Variants in GRM7 observed in about 807,000 individuals in gnomAD.
GRM7 encodes glutamate metabotropic receptor 7.
A neutral mutation model predicts 84.5 loss-of-function variants in GRM7; 35 were observed. That is an observed-to-expected ratio of 0.41 (90% CI 0.32 to 0.55). The LOEUF (loss-of-function observed/expected upper bound fraction) is 0.55, where lower values mean the gene tolerates loss of function less well. Ranked by LOEUF, GRM7 falls within the 20% of genes least tolerant of loss-of-function variation. The probability of loss-of-function intolerance (pLI) is 0.19; values close to 1 mark genes in which losing one functional copy is unlikely to be tolerated. For synonymous variants in GRM7, 487 were observed against 455.1 expected (o/e 1.07, Z -0.89); for missense variants, 1,003 against 1,194.6 (o/e 0.84, Z 2.36).
chr3:6,948,616 C>A (rs976066707), intron 1 of GRM7, among the ~76,000 whole-genome samples: 1 of 152,096 alleles, frequency 6.6e-6, no homozygotes, highest in African/African-American at 2.4e-5. Context: ...TCCTTGTTAA[C>A]TTTCTGTCTT....
At chr3:7,507,873 G>A (rs1204022565) in intron 7 of GRM7, among the ~76,000 whole-genome samples, 1 of 152,062 alleles carries the variant, frequency 6.6e-6, no homozygotes, top group Non-Finnish European at 1.5e-5. Context: ...ATATATACAA[G>A]TTCTGGTTAG....
intron 7 of GRM7, among the ~76,000 whole-genome samples, chr3:7,550,392 GCTTT>G (rs1419516833): frequency 3.7e-5 from 5 of 133,584 alleles, no homozygotes; most frequent in South Asian, 2.5e-4. Context: ...CCTTTTGCTT[GCTTT>G]CTTTCTTTTC....
chr3:7,275,066 C>A (rs961508605), intron 2 of GRM7, among the ~76,000 whole-genome samples: 2 of 152,096 alleles, frequency 1.3e-5, no homozygotes, highest in Non-Finnish European at 2.9e-5. Context: ...TCCTCAGCCA[C>A]TTCCAGTCTA....
chr3:7,220,662 GTTGA>G (rs1254150413), intron 2 of GRM7, among the ~76,000 whole-genome samples: 6 of 152,314 alleles, frequency 3.9e-5, no homozygotes, highest in South Asian at 2.1e-4. Flanking sequence ...GTCAACATTG[GTTGA>G]TTAATTGTGA....
chr3:7,357,063 A>G (rs911160018), intron 4 of GRM7, among the ~76,000 whole-genome samples: 1 of 150,208 alleles, frequency 6.7e-6, no homozygotes, highest in South Asian at 2.1e-4. Flanking sequence ...TCATATATAT[A>G]ATATTGTTTC....
chr3:7,216,399 T>C (rs895149543), intron 2 of GRM7, among the ~76,000 whole-genome samples: 5 of 152,230 alleles, frequency 3.3e-5, no homozygotes, highest in Non-Finnish European at 7.3e-5. Context: ...TGTGATAGGC[T>C]TTAAGGGGAG....
intron 1 of GRM7, among the ~76,000 whole-genome samples, chr3:7,092,882 A>T (rs976151460): frequency 6.6e-6 from 1 of 152,174 alleles, no homozygotes; most frequent in Non-Finnish European, 1.5e-5. Context: ...CCAAGAGTTA[A>T]GGCCAGCCTG....
At chr3:7,711,204 A>AGT (rs1208897755) in intron 9 of GRM7, among the ~76,000 whole-genome samples, 4 of 152,212 alleles carry the variant, frequency 2.6e-5, no homozygotes, top group Non-Finnish European at 5.9e-5. Context: ...ATCAAGATAG[A>AGT]GTGTGGCTGG....
At chr3:7,344,458 G>T in intron 4 of GRM7, among the ~76,000 whole-genome samples, 1 of 152,078 alleles carries the variant, frequency 6.6e-6, no homozygotes, top group East Asian at 1.9e-4. Flanking sequence ...ATTCCATGGC[G>T]TATATGTACC....
At chr3:7,129,367 A>G (rs1418283628) in intron 1 of GRM7, among the ~76,000 whole-genome samples, 2 of 152,230 alleles carry the variant, frequency 1.3e-5, no homozygotes, top group African/African-American at 4.8e-5. Context: ...TTATCCGTCC[A>G]TGATTGTGGC....
At chr3:6,873,093 T>G (rs1695183259) in intron 1 of GRM7, among the ~76,000 whole-genome samples, 1 of 152,182 alleles carries the variant, frequency 6.6e-6, no homozygotes, top group Admixed American at 6.5e-5. Flanking sequence ...TTTTTTGGGA[T>G]GACGGAGTCT....
intron 1 of GRM7, among the ~76,000 whole-genome samples, chr3:6,989,631 G>A (rs1694557322): frequency 6.6e-6 from 1 of 152,108 alleles, no homozygotes; most frequent in Non-Finnish European, 1.5e-5. Flanking sequence ...AAAGAGTGTT[G>A]TAAAATAAAC....
intron 2 of GRM7, among the ~76,000 whole-genome samples, chr3:7,264,335 T>TC (rs148243487): frequency 0.011 from 1,676 of 152,224 alleles, 34 homozygotes; most frequent in African/African-American, 0.039. Flanking sequence ...CTGCGCCAAA[T>TC]CCTCTGGGCT....
chr3:7,027,750 A>T (rs997665588), intron 1 of GRM7, among the ~76,000 whole-genome samples: 1 of 152,030 alleles, frequency 6.6e-6, no homozygotes, highest in African/African-American at 2.4e-5. Context: ...CTCACCTGAG[A>T]CTTCCCTCCC....
chr3:7,568,664 G>A (rs1290399460), intron 7 of GRM7, among the ~76,000 whole-genome samples: 3 of 152,312 alleles, frequency 2.0e-5, no homozygotes, highest in South Asian at 2.1e-4. Context: ...TTTGGTGGGT[G>A]TGGGCTCGGC....
intron 7 of GRM7, among the ~76,000 whole-genome samples, chr3:7,500,976 T>C (rs1234761840): frequency 2.0e-5 from 3 of 152,194 alleles, no homozygotes; most frequent in African/African-American, 7.2e-5. Context: ...TGCAGATCTG[T>C]GAGGGTGAGA....
chr3:6,985,708 G>A (rs1694382694), intron 1 of GRM7, among the ~76,000 whole-genome samples: 1 of 152,144 alleles, frequency 6.6e-6, no homozygotes, highest in South Asian at 2.1e-4. Flanking sequence ...ATCTGCTGGT[G>A]CTGAGGTAGT....
At chr3:6,907,305 C>A (rs921402833) in intron 1 of GRM7, among the ~76,000 whole-genome samples, 2 of 152,132 alleles carry the variant, frequency 1.3e-5, no homozygotes, top group South Asian at 4.1e-4. Flanking sequence ...CACAGGTGAA[C>A]CTACTGTAAA....
intron 8 of GRM7, among the ~76,000 whole-genome samples, chr3:7,582,125 A>G (rs1212979263): frequency 6.6e-6 from 1 of 152,210 alleles, no homozygotes; most frequent in Non-Finnish European, 1.5e-5. Flanking sequence ...TGGCTGGCCC[A>G]GTTTGATGTG....
Sources: gnomAD v4.1 joint callset for allele counts (sites outside exome capture counted in the v4.1 genomes callset) on GRCh38, gnomAD v4.1.1 for gene constraint, MANE v1.5 for transcripts, NCBI Gene and HGNC (gene_info 2026-07-23, HGNC 2026-07-21) for gene names.